Variants in CUL9 observed in about 807,000 individuals in gnomAD.
CUL9 encodes cullin 9.
In CUL9, 79 loss-of-function variants were observed where a neutral mutation model predicts 272.6. That is an observed-to-expected ratio of 0.29 (90% CI 0.24 to 0.35). The LOEUF is 0.35. Among genes scored for constraint, CUL9 ranks in the 10% least tolerant of loss-of-function variants. The probability of loss-of-function intolerance (pLI) is 1.00; values close to 1 mark genes in which losing one functional copy is unlikely to be tolerated. For synonymous variants in CUL9, 1,186 were observed against 1,286.5 expected (o/e 0.92, Z 1.67); for missense variants, 2,532 against 3,255.6 (o/e 0.78, Z 5.41).
chr6:43,207,566 C>T (rs953116648), intron 26 of CUL9, among the ~76,000 whole-genome samples: 12 of 151,932 alleles, frequency 7.9e-5, no homozygotes, highest in South Asian at 6.3e-4. Flanking sequence ...GTTTTTATTA[C>T]GTATTATTTT....
At position 43,198,732 on chromosome 6, in the gene CUL9, G is replaced by A. The variant is rs772708118; in HGVS notation, c.2927G>A (p.Ser976Asn). Residue 976 changes from serine (S) to asparagine (N), a missense_variant, in exon 12 of 41, where the codon AGC (serine) becomes AAC (asparagine). Physicochemically the swap from Ser to Asn is conservative, Grantham distance 46 (BLOSUM62 1). This residue lies in a region of CUL9 where 2,218 missense variants were observed against 2,788.6 expected (regional missense o/e 0.80). Transcript: ENST00000252050. ...DLERVLCREGSPGGAVRPLLK... is the reference protein window; with the variant it reads ...DLERVLCREGNPGGAVRPLLK... Reference sequence around the variant, plus strand: ...GAGCGTGTGCTGTGCCGTGAGGGCAGCCCCGGAGGTGCCGTGAGGCCCCTC... The same window carrying A: ...GAGCGTGTGCTGTGCCGTGAGGGCAACCCCGGAGGTGCCGTGAGGCCCCTC... 2 of 1,614,026 alleles carry A rather than the reference G, an allele frequency of 1.2e-6. No homozygotes were observed.
At chr6:43,188,292 C>A in intron 7 of CUL9, 174 bp downstream of exon 7, 2 of 845,838 alleles carry the variant, frequency 2.4e-6, no homozygotes, top group South Asian at 1.8e-5. Flanking sequence ...ATTTAATTAA[C>A]CAGCGCTCCC....
intron 8 of CUL9, among the ~76,000 whole-genome samples, chr6:43,192,769 T>TAA (rs1429221114): frequency 6.6e-6 from 1 of 152,208 alleles, no homozygotes; most frequent in Non-Finnish European, 1.5e-5. Flanking sequence ...CCAGAGTTTA[T>TAA]AAACATTTTT....
chr6:43,196,606 G>T lies in CUL9; in HGVS notation c.2586-39G>T, dbSNP rs1312982330. ...GCTTTGCTGCTTCCATTGCATTCAT[G>T]GTCTCTCAGTTTCTTCCTGGTCACC... On this transcript the variant is annotated intron_variant, in intron 10 of 40. Coordinates refer to ENST00000252050, the MANE Select transcript of CUL9 (RefSeq NM_015089.4). The T allele has an allele frequency of 2.0e-6, 3 of 1,530,744 alleles. No individual in the cohort carries two copies. In the African/African-American group the frequency reaches 4.1e-5, roughly 21 times the overall value. 94.8% of individuals were successfully genotyped at this position (1,530,744 alleles called of 1,614,324 possible).
At chr6:43,191,252 TTGTGTGTGTGTGTGTG>T (rs58122260) in intron 8 of CUL9, among the ~76,000 whole-genome samples, 4 of 126,974 alleles carry the variant, frequency 3.2e-5, no homozygotes, top group Admixed American at 8.0e-5. Flanking sequence ...CTAAATTGCA[TTGTGTGTGTGTGTGTG>T]TGTGTGTGTG....
intron 35 of CUL9, 49 bp from the exon 36 acceptor site, chr6:43,222,267 T>C (rs765623735): frequency 6.6e-7 from 1 of 1,504,598 alleles, no homozygotes; most frequent in Non-Finnish European, 9.2e-7. Context: ...ATTAACTCCC[T>C]CCTGTCCAAA....
Position 43,223,986 on chromosome 6 carries a change from G to A in CUL9, c.7285-109G>A. Reference sequence around the variant, plus strand: ...CATGAAGTGCTGTGCTGGGAGGGGAGCAGTCCTAGCAGGAGCTTGGCCCTC... The same window carrying A: ...CATGAAGTGCTGTGCTGGGAGGGGAACAGTCCTAGCAGGAGCTTGGCCCTC... On this transcript the variant is annotated intron_variant, in intron 39 of 40. Coordinates refer to ENST00000252050, the MANE Select transcript of CUL9 (RefSeq NM_015089.4). The surrounding 1 kb of genome is among the most constrained non-coding windows in gnomAD (Gnocchi z 4.1). The A allele has an allele frequency of 1.0e-6, 1 of 992,078 alleles. No homozygotes were observed. The highest frequency in any genetic ancestry group is 1.3e-5 in the South Asian group (1 of 77,228). 61.5% of individuals were successfully genotyped at this position (992,078 alleles called of 1,614,324 possible).
Position 43,205,361 on chromosome 6 carries a change from C to T in CUL9, c.4731C>T (p.His1577=), listed in dbSNP as rs377589086. ...AAATGCTGGGGCAGCTTCAGCGGCA[C>T]CTGGAACCCATTATGGTCCTTTCTG... ...GVEMLGQLQR[H]LEPIMVLSGL... The change falls in exon 24 of 41, where the codon CAC becomes CAT. Residue 1577 remains histidine, a synonymous_variant. Transcript: ENST00000252050. 4.3e-6 allele frequency: 7 copies of T among 1,614,090 alleles called. No homozygotes were observed. The highest frequency in any genetic ancestry group is 4.0e-5 in the African/African-American group (3 of 74,928).
intron 20 of CUL9, 186 bp downstream of exon 20, chr6:43,204,173 A>T: frequency 9.7e-7 from 1 of 1,036,120 alleles, no homozygotes; most frequent in Non-Finnish European, 1.4e-6. Context: ...AATCTTTCCC[A>T]CTACCCCATC....
At chr6:43,193,336 G>C (rs1007505072) in intron 9 of CUL9, 128 bp downstream of exon 9, 2 of 787,548 alleles carry the variant, frequency 2.5e-6, no homozygotes, top group African/African-American at 3.4e-5. Context: ...GATGCAGATG[G>C]TTTTAAGAGT....
intron 8 of CUL9, among the ~76,000 whole-genome samples, chr6:43,190,170 G>A (rs12193690): frequency 0.091 from 13,770 of 151,922 alleles, 895 homozygotes; most frequent in African/African-American, 0.19. Flanking sequence ...TTTTCCTTAC[G>A]TCTGCCAACA....
At chr6:43,212,842 T>A (rs1047630455) in intron 26 of CUL9, 1 of 301,130 alleles carries the variant, frequency 3.3e-6, no homozygotes, top group Non-Finnish European at 6.3e-6. Context: ...CCAGTGGGTC[T>A]TTAAAACTGT....
chr6:43,191,205 C>T (rs1184425687), intron 8 of CUL9, among the ~76,000 whole-genome samples: 1 of 148,782 alleles, frequency 6.7e-6, no homozygotes, highest in Non-Finnish European at 1.5e-5. Context: ...AAATAGAGCT[C>T]CAGCTTCAGT....
chr6:43,200,933 G>A lies in CUL9; in HGVS notation c.3647+99G>A. On this transcript the variant is annotated intron_variant, in intron 16 of 40. Transcript: ENST00000252050. The surrounding 1 kb of genome is among the most constrained non-coding windows in gnomAD (Gnocchi z 4.0). The stretch of plus-strand genomic sequence containing the variant: ...CCAGCTATAACCCCAATGCCTGAGG[G>A]ACACACTCAAACCTATTTTGTGCAG... The A allele has an allele frequency of 6.8e-7, 1 of 1,473,438 alleles. No homozygotes were observed. The highest frequency in any genetic ancestry group is 9.4e-7 in the Non-Finnish European group (1 of 1,066,954). The allele number at this position is 1,473,438 out of a possible 1,614,324, so 91.3% of individuals were successfully genotyped here.
intron 11 of CUL9, among the ~76,000 whole-genome samples, chr6:43,197,577 G>T (rs759499730): frequency 7.3e-5 from 11 of 151,692 alleles, no homozygotes; most frequent in Non-Finnish European, 8.8e-5. Flanking sequence ...TCCGCCTCCC[G>T]GGTTCAAGGA....
chr6:43,187,769 T>C lies in CUL9; in HGVS notation c.1638T>C (p.Ser546=), dbSNP rs781760109. 5 of 1,612,294 alleles carry C rather than the reference T, an allele frequency of 3.1e-6. No homozygotes were observed. Among genetic ancestry groups the C allele is most frequent in the Non-Finnish European group, 4.2e-6 (5 of 1,179,572 alleles). Residue 546 remains serine, a synonymous_variant, in exon 7 of 41, where the codon AGT becomes AGC. Coordinates refer to ENST00000252050, the MANE Select transcript of CUL9 (RefSeq NM_015089.4). The stretch of plus-strand genomic sequence containing the variant: ...CTGTGTCCGTGGAAATGGCCGAGAG[T>C]CTGCTGCAGGTTCTCAGTAGTCGAT... ...EISVSVEMAE[S]LLQVLSSRFE... is the part of the protein sequence containing the mutation.
chr6:43,198,939 CTTT>C (rs540298989), intron 12 of CUL9, 84 bp downstream of exon 12: 468 of 1,259,034 alleles, frequency 3.7e-4, no homozygotes, highest in Non-Finnish European at 4.2e-4. Flanking sequence ...TTTCTGTTTT[CTTT>C]TTTTTTTTTT....
rs1309403746 is a variant in CUL9, at chr6:43,215,124, G to A, written c.5734G>A (p.Gly1912Ser). The A allele has an allele frequency of 8.7e-6, 14 of 1,613,738 alleles. No homozygotes were observed. Among genetic ancestry groups the A allele is most frequent in the Non-Finnish European group, 1.2e-5 (14 of 1,179,752 alleles). ...GGGTCCAAATCCTCCTGGAACCCTG[G>A]GCCACACTGTTGCTGGGGGTGTGGC... The part of the protein sequence containing the change: ...QKGPNPPGTL[G>S]HTVAGGVACT... Residue 1912 changes from glycine (G) to serine (S), a missense_variant, in exon 30 of 41, where the codon GGC becomes AGC. Coordinates refer to ENST00000252050, the MANE Select transcript of CUL9 (RefSeq NM_015089.4).
chr6:43,223,697 A>C lies in CUL9; in HGVS notation c.7284+300A>C. 1.9e-6 allele frequency: 1 copy of C among 517,436 alleles called. No individual in the cohort carries two copies. The highest frequency in any genetic ancestry group is 1.9e-5 in the African/African-American group (1 of 52,860). 32.1% of individuals were successfully genotyped at this position (517,436 alleles called of 1,614,324 possible). On this transcript the variant is annotated intron_variant, in intron 39 of 40. Transcript: ENST00000252050. This position sits in a 1 kb window ranked among gnomAD's most constrained non-coding sequence, Gnocchi z 4.1. The stretch of plus-strand genomic sequence containing the variant: ...GGAACTTTTCCAGACTGTACTTCCC[A>C]GATAGGGATTTGAAATCCTAAGAGT...
Sources: allele counts gnomAD v4.1 joint callset (sites outside exome capture counted in the v4.1 genomes callset), GRCh38; gene constraint gnomAD v4.1.1; regional missense constraint gnomAD v4.1.1; non-coding constraint Gnocchi (gnomAD v3.1); transcripts MANE v1.5; gene names NCBI Gene and HGNC (gene_info 2026-07-23, HGNC 2026-07-21).